PCDHA4: variants seen among roughly 807,000 people sequenced by gnomAD.
The protein encoded by PCDHA4 is protocadherin alpha 4, also known as protocadherin alpha-4.
PCDHA4 carries 49 observed loss-of-function variants against 61.4 expected under a neutral mutation model. The observed-to-expected ratio is 0.80, with a 90% CI of 0.63 to 1.01. PCDHA4 has a LOEUF of 1.01. Ranked by LOEUF, PCDHA4 falls within the 50% of genes least tolerant of loss-of-function variation. PCDHA4 has a pLI of 0.00. For synonymous variants in PCDHA4, 590 were observed against 550.3 expected, an observed-to-expected ratio of 1.07 and a Z score of -1.01; for missense variants, 1,254 against 1,235.8, an observed-to-expected ratio of 1.01 and a Z score of -0.22.
At chr5:140,813,725 G>A (rs1297034121) in intron 1 of PCDHA4, 2 of 152,318 alleles carry the variant, frequency 1.3e-5, no homozygotes, top group East Asian at 3.8e-4. Context: ...GCTGGTCATG[G>A]TGGCTCATGC....
At chr5:140,888,048 A>G (rs534072281) in intron 1 of PCDHA4, among the ~76,000 whole-genome samples, 40 of 152,296 alleles carry the variant, frequency 2.6e-4, no homozygotes, top group African/African-American at 9.4e-4. Context: ...TGTATAATAG[A>G]TGTTTTAACT....
At chr5:140,830,541 T>C in intron 1 of PCDHA4, 4 of 1,203,448 alleles carry the variant, frequency 3.3e-6, no homozygotes, top group Non-Finnish European at 4.5e-6. Context: ...ATAATTGTTT[T>C]CCTCATATTT....
intron 1 of PCDHA4, among the ~76,000 whole-genome samples, chr5:140,900,263 G>A (rs909474202): frequency 2.0e-5 from 3 of 151,830 alleles, no homozygotes; most frequent in African/African-American, 7.3e-5. Flanking sequence ...GTACTCCATT[G>A]TGTATATGTA....
At chr5:140,840,901 G>T (rs1776933352) in intron 1 of PCDHA4, among the ~76,000 whole-genome samples, 1 of 151,852 alleles carries the variant, frequency 6.6e-6, no homozygotes, top group African/African-American at 2.4e-5. Flanking sequence ...TGACATACAG[G>T]TCATACTTAA....
chr5:140,857,755 T>G (rs1427129030), intron 1 of PCDHA4: 1 of 1,597,184 alleles, frequency 6.3e-7, no homozygotes, highest in Non-Finnish European at 8.6e-7. Flanking sequence ...CGTCTCCCGC[T>G]GGCAGCGCGG....
intron 3 of PCDHA4, among the ~76,000 whole-genome samples, chr5:141,004,079 A>G (rs1192943756): frequency 1.3e-5 from 2 of 152,210 alleles, no homozygotes; most frequent in Non-Finnish European, 2.9e-5. Context: ...TTAGGGGTAG[A>G]AATGTGCTTC....
intron 1 of PCDHA4, chr5:140,927,060 CT>C: frequency 1.2e-6 from 2 of 1,611,446 alleles, no homozygotes; most frequent in Non-Finnish European, 1.7e-6. Context: ...GGAACTTTCG[CT>C]TCCTTTCCAG....
chr5:140,836,384 GTC>G (rs2150259463), intron 1 of PCDHA4: 11 of 1,613,636 alleles, frequency 6.8e-6, no homozygotes, highest in Non-Finnish European at 9.3e-6. Flanking sequence ...CCGTGCTGGT[GTC>G]GCTGGTGGAA....
At chr5:140,884,063 G>T in intron 1 of PCDHA4, 1 of 1,613,496 alleles carries the variant, frequency 6.2e-7, no homozygotes, top group Non-Finnish European at 8.5e-7. Context: ...CGCGGTGGAC[G>T]CCGATTCGGG....
chr5:141,001,089 C>G (rs972790418), intron 3 of PCDHA4, among the ~76,000 whole-genome samples: 2 of 152,042 alleles, frequency 1.3e-5, no homozygotes, highest in Admixed American at 1.3e-4. Flanking sequence ...ACCCCATAAA[C>G]TGTCTAATCC....
At chr5:140,877,801 C>T in intron 1 of PCDHA4, 1 of 1,613,416 alleles carries the variant, frequency 6.2e-7, no homozygotes, top group South Asian at 1.1e-5. Context: ...CCCAAGCCTT[C>T]AGCTGTCTCG....
chr5:140,923,461 A>G (rs530510417), intron 1 of PCDHA4, among the ~76,000 whole-genome samples: 97 of 152,204 alleles, frequency 6.4e-4, no homozygotes, highest in African/African-American at 2.2e-3. Context: ...CCAGAGAGGT[A>G]GGGGCTGCAG....
chr5:140,966,900 G>T, intron 1 of PCDHA4: 1 of 1,598,802 alleles, frequency 6.3e-7, no homozygotes, highest in Non-Finnish European at 8.5e-7. Context: ...TCCCAGCTGC[G>T]ATACTCTGTG....
chr5:140,888,640 A>G (rs2153424746), intron 1 of PCDHA4, among the ~76,000 whole-genome samples: 1 of 152,282 alleles, frequency 6.6e-6, no homozygotes, highest in East Asian at 1.9e-4. Context: ...TTACAGCAAT[A>G]CTTTCCTGAG....
intron 1 of PCDHA4, among the ~76,000 whole-genome samples, chr5:140,937,574 G>C (rs1320452651): frequency 1.3e-5 from 2 of 151,732 alleles, no homozygotes; most frequent in African/African-American, 4.9e-5. Context: ...CTGGGATCGC[G>C]TCACTGCACT....
At chr5:140,870,711 G>T (rs781786878) in intron 1 of PCDHA4, 1 of 1,613,108 alleles carries the variant, frequency 6.2e-7, no homozygotes, top group Non-Finnish European at 8.5e-7. Flanking sequence ...AGGTGAGCGC[G>T]CGCGATGCGG....
intron 1 of PCDHA4, chr5:140,834,189 G>A: frequency 1.7e-6 from 1 of 573,600 alleles, no homozygotes; most frequent in South Asian, 2.6e-5. Flanking sequence ...ACATGATGTC[G>A]CTCTTTACCG....
chr5:140,841,591 C>T (rs2150318680), intron 1 of PCDHA4: 1 of 1,614,046 alleles, frequency 6.2e-7, no homozygotes, highest in Admixed American at 1.7e-5. Context: ...ATTCTCGGAT[C>T]GACCGCGAGG....
intron 1 of PCDHA4, among the ~76,000 whole-genome samples, chr5:140,872,428 G>C (rs2053656212): frequency 6.6e-6 from 1 of 151,990 alleles, no homozygotes; most frequent in African/African-American, 2.4e-5. Context: ...AGAGTTCGAG[G>C]CCTGCCTGGA....
Sources: allele counts gnomAD v4.1 joint callset (sites outside exome capture counted in the v4.1 genomes callset), GRCh38; gene constraint gnomAD v4.1.1; transcripts MANE v1.5; gene names NCBI Gene and HGNC (gene_info 2026-07-23, HGNC 2026-07-21).